The following SNTG1 variants were observed in gnomAD, a reference collection of about 807,000 sequenced individuals.
The protein encoded by SNTG1 is gamma-1-syntrophin.
In SNTG1, 39 loss-of-function variants were observed where a neutral mutation model predicts 74.7. The ratio of observed to expected loss-of-function variants is 0.52; its 90% CI spans 0.40 to 0.68. The LOEUF is 0.68. SNTG1 is among the 30% of genes least tolerant of loss of function. SNTG1 has a pLI of 0.00. For synonymous variants in SNTG1, 254 were observed against 217.1 expected (o/e 1.17, Z -1.49); for missense variants, 685 against 609.5 (o/e 1.12, Z -1.30).
chr8:50,413,597 A>G (rs943254290), intron 4 of SNTG1, among the ~76,000 whole-genome samples: 1 of 152,220 alleles, frequency 6.6e-6, no homozygotes, highest in South Asian at 2.1e-4. Context: ...ACAAGACCGG[A>G]ATATGAAAAT....
chr8:50,537,027 G>A (rs929282822), intron 11 of SNTG1, among the ~76,000 whole-genome samples: 4 of 152,130 alleles, frequency 2.6e-5, no homozygotes, highest in Admixed American at 6.5e-5. Context: ...TATTGTAATG[G>A]ATTCAATAGA....
chr8:50,417,138 C>A (rs1390613435), intron 4 of SNTG1, among the ~76,000 whole-genome samples: 3 of 152,110 alleles, frequency 2.0e-5, no homozygotes, highest in South Asian at 2.1e-4. Flanking sequence ...TGTATAACTT[C>A]AGTTTGAACC....
chr8:50,171,168 C>G (rs1468347040), intron 1 of SNTG1, among the ~76,000 whole-genome samples: 1 of 152,118 alleles, frequency 6.6e-6, no homozygotes, highest in Non-Finnish European at 1.5e-5. Flanking sequence ...TGGGGGCCAT[C>G]TGTATTAGTC....
chr8:50,301,559 T>A (rs1332062666), intron 2 of SNTG1, among the ~76,000 whole-genome samples: 2 of 152,176 alleles, frequency 1.3e-5, no homozygotes, highest in Non-Finnish European at 2.9e-5. Context: ...TCTAGTAAGT[T>A]CAACAGCTGT....
chr8:50,461,350 A>G (rs985440719), intron 8 of SNTG1, among the ~76,000 whole-genome samples: 2 of 152,262 alleles, frequency 1.3e-5, no homozygotes, highest in Non-Finnish European at 1.5e-5. Context: ...AGAGTTTTTC[A>G]GAATTCTTCA....
intron 2 of SNTG1, among the ~76,000 whole-genome samples, chr8:50,245,760 C>T (rs143647740): frequency 2.0e-5 from 3 of 152,198 alleles, no homozygotes; most frequent in East Asian, 3.9e-4. Flanking sequence ...TCATTGTGAC[C>T]TGGGGCTTGT....
intron 1 of SNTG1, among the ~76,000 whole-genome samples, chr8:50,101,155 C>T (rs2080109080): frequency 6.6e-6 from 1 of 152,036 alleles, no homozygotes; most frequent in South Asian, 2.1e-4. Context: ...TATATATGTA[C>T]CACATTTTCC....
intron 13 of SNTG1, among the ~76,000 whole-genome samples, chr8:50,636,083 G>A (rs945938946): frequency 2.1e-5 from 3 of 141,630 alleles, no homozygotes; most frequent in African/African-American, 7.4e-5. Context: ...AAATGTCCTG[G>A]AGCTAGGGCC....
intron 17 of SNTG1, among the ~76,000 whole-genome samples, chr8:50,716,683 C>A (rs1355527067): frequency 6.6e-6 from 1 of 151,150 alleles, no homozygotes; most frequent in South Asian, 2.1e-4. Flanking sequence ...ACTTTTCATG[C>A]AATATGTTAT....
At chr8:50,292,980 G>A (rs2130578350) in intron 2 of SNTG1, among the ~76,000 whole-genome samples, 1 of 152,174 alleles carries the variant, frequency 6.6e-6, no homozygotes, top group South Asian at 2.1e-4. Flanking sequence ...AGACACAGTG[G>A]GTTCTGGCCT....
At chr8:50,093,167 C>T (rs2079802855) in intron 1 of SNTG1, among the ~76,000 whole-genome samples, 1 of 151,990 alleles carries the variant, frequency 6.6e-6, no homozygotes, top group South Asian at 2.1e-4. Context: ...CAAACCCTAC[C>T]ATACTCTAAA....
At chr8:50,515,539 C>A (rs2094125782) in intron 9 of SNTG1, among the ~76,000 whole-genome samples, 1 of 151,998 alleles carries the variant, frequency 6.6e-6, no homozygotes. Context: ...CCCTAGCAAG[C>A]TAAGATCCAC....
chr8:50,745,089 G>T (rs1028555914), intron 17 of SNTG1, among the ~76,000 whole-genome samples: 1 of 151,812 alleles, frequency 6.6e-6, no homozygotes. Flanking sequence ...TACATCAAAG[G>T]GTACTACAAC....
At chr8:50,262,917 G>T (rs1050237714) in intron 2 of SNTG1, among the ~76,000 whole-genome samples, 4 of 152,088 alleles carry the variant, frequency 2.6e-5, no homozygotes, top group Non-Finnish European at 5.9e-5. Flanking sequence ...TAAATCACTT[G>T]TTTTCAGGGA....
chr8:50,115,211 A>G (rs1005191082), intron 1 of SNTG1, among the ~76,000 whole-genome samples: 10 of 152,092 alleles, frequency 6.6e-5, no homozygotes, highest in Admixed American at 3.9e-4. Context: ...TCAGGTGTTA[A>G]GACTGGAGAG....
intron 1 of SNTG1, among the ~76,000 whole-genome samples, chr8:50,096,210 AC>A (rs1235113948): frequency 1.3e-5 from 2 of 152,122 alleles, no homozygotes; most frequent in Admixed American, 1.3e-4. Context: ...CCACACAACC[AC>A]CCTTCTTGAC....
chr8:50,132,383 A>G (rs1437658115), intron 1 of SNTG1, among the ~76,000 whole-genome samples: 1 of 152,144 alleles, frequency 6.6e-6, no homozygotes, highest in Non-Finnish European at 1.5e-5. Flanking sequence ...TTCAGGGTAC[A>G]GTAGATCCTG....
intron 1 of SNTG1, among the ~76,000 whole-genome samples, chr8:50,019,089 G>A (rs766255425): frequency 6.6e-6 from 1 of 152,014 alleles, no homozygotes; most frequent in Non-Finnish European, 1.5e-5. Flanking sequence ...GAAGATGAAT[G>A]ATTGCTAATA....
At chr8:50,722,558 TTTATCTC>T (rs2095490372) in intron 17 of SNTG1, among the ~76,000 whole-genome samples, 1 of 152,152 alleles carries the variant, frequency 6.6e-6, no homozygotes, top group Non-Finnish European at 1.5e-5. Context: ...TCAAATAAGA[TTTATCTC>T]TTATAGATAG....
Sources: gnomAD v4.1 joint callset for allele counts (sites outside exome capture counted in the v4.1 genomes callset) on GRCh38, gnomAD v4.1.1 for gene constraint, MANE v1.5 for transcripts, NCBI Gene and HGNC (gene_info 2026-07-23, HGNC 2026-07-21) for gene names.